WDR86: variants seen among roughly 807,000 people sequenced by gnomAD.
The protein encoded by WDR86 is WD repeat domain 86.
WDR86 carries 30 observed loss-of-function variants against 36.5 expected under a neutral mutation model. The ratio of observed to expected loss-of-function variants is 0.82; its 90% CI spans 0.61 to 1.11. WDR86 has a LOEUF of 1.11. Ranked by LOEUF, WDR86 falls within the 50% of genes most tolerant of loss-of-function variation. WDR86 has a pLI of 0.00. For missense variants in WDR86, 545 were observed against 561.2 expected (o/e 0.97, Z 0.29); for synonymous variants, 255 against 252.9 (o/e 1.01, Z -0.08).
chr7:151,377,330 T>A, downstream of WDR86: 1 of 770,898 alleles, frequency 1.3e-6, no homozygotes, highest in Non-Finnish European at 2.0e-6. Context: ...TTACAAGTCC[T>A]CTTTGGGTGT....
At chr7:151,394,911 C>T in intron 3 of WDR86, among the ~76,000 whole-genome samples, 1 of 152,260 alleles carries the variant, frequency 6.6e-6, no homozygotes, top group East Asian at 1.9e-4. Flanking sequence ...CAGACTCTGC[C>T]ACCAGGCGTT....
the WDR86 span, among the ~76,000 whole-genome samples, chr7:151,370,895 C>A: frequency 6.6e-6 from 1 of 152,146 alleles, no homozygotes; most frequent in Non-Finnish European, 1.5e-5. Flanking sequence ...GAAAACAGTT[C>A]TCATCACTGT....
intron 2 of WDR86, among the ~76,000 whole-genome samples, chr7:151,398,490 A>ATATG (rs55933216): frequency 0.69 from 103,735 of 149,874 alleles, 36,047 homozygotes; most frequent in East Asian, 0.8. Flanking sequence ...GTGTATGTGT[A>ATATG]TATGTGTGCG....
chr7:151,394,016 G>A (rs1799627963), intron 3 of WDR86, among the ~76,000 whole-genome samples: 1 of 152,202 alleles, frequency 6.6e-6, no homozygotes, highest in African/African-American at 2.4e-5. Context: ...GAAAGCAGGA[G>A]ATCAAGAAAC....
In WDR86 at chr7:151,381,399, C is replaced by G. The variant is rs1044525833; in HGVS notation, c.*183G>C. The G allele has an allele frequency of 2.1e-5, 31 of 1,476,330 alleles. No individual in the cohort carries two copies. Among genetic ancestry groups the G allele is most frequent in the Non-Finnish European group, 2.8e-5 (31 of 1,122,492 alleles). 91.5% of individuals were successfully genotyped at this position (1,476,330 alleles called of 1,614,324 possible). A position where few individuals can be genotyped will look rare whatever the true frequency, so the allele number is the denominator to read the frequency against. ...GGGCGGTCCCCAGGGCGAGCACTCCCGCTCCCAGCGCCTCCTGGCCACCAA... is the reference window on the plus strand; with the variant it reads ...GGGCGGTCCCCAGGGCGAGCACTCCGGCTCCCAGCGCCTCCTGGCCACCAA... On this transcript the variant is annotated 3_prime_UTR_variant, in exon 6 of 6. Coordinates refer to ENST00000334493, the MANE Select transcript of WDR86 (RefSeq NM_198285.3). The surrounding 1 kb of genome is among the most constrained non-coding windows in gnomAD (Gnocchi z 4.8).
chr7:151,407,398 G>A (rs1229533723), intron 1 of WDR86, among the ~76,000 whole-genome samples: 1 of 152,226 alleles, frequency 6.6e-6, no homozygotes, highest in Non-Finnish European at 1.5e-5. Context: ...GTGCCCACCA[G>A]GCTACCGGCA....
At chr7:151,393,866 C>T (rs573920677) in intron 3 of WDR86, among the ~76,000 whole-genome samples, 4 of 152,258 alleles carry the variant, frequency 2.6e-5, no homozygotes, top group Middle Eastern at 3.4e-3. Context: ...AGTAAGGACA[C>T]GGAGGGAGGG....
chr7:151,369,751 G>A, the WDR86 span, among the ~76,000 whole-genome samples: 2 of 152,132 alleles, frequency 1.3e-5, no homozygotes, highest in African/African-American at 4.8e-5. Context: ...TTATCTCACA[G>A]GTCCTTTCTA....
intron 3 of WDR86, among the ~76,000 whole-genome samples, chr7:151,389,118 C>CTTTTTTTTTTTTTTTTTTTTT (rs34882878): frequency 8.0e-6 from 1 of 125,574 alleles, no homozygotes; most frequent in Non-Finnish European, 1.7e-5. Flanking sequence ...CTTTTCTTTC[C>CTTTTTTTTTTTTTTTTTTTTT]TTTTTTTTTT....
chr7:151,377,005 A>G, downstream of WDR86: 1 of 1,485,714 alleles, frequency 6.7e-7, no homozygotes, highest in Non-Finnish European at 9.0e-7. Context: ...CCCCAGGACA[A>G]TCCTCACATA....
Position 151,409,206 on chromosome 7 carries a change from CA to C in WDR86, c.163+220del. 1 of 724,268 alleles carries C rather than the reference CA, an allele frequency of 1.4e-6. No individual in the cohort carries two copies. The highest frequency in any genetic ancestry group is 2.3e-6 in the Non-Finnish European group (1 of 428,550). 44.9% of individuals were successfully genotyped at this position (724,268 alleles called of 1,614,324 possible). A position where few individuals can be genotyped will look rare whatever the true frequency, so the allele number is the denominator to read the frequency against. On this transcript the variant is annotated intron_variant, in intron 1 of 5. Transcript: ENST00000334493. The surrounding 1 kb of genome is among the most constrained non-coding windows in gnomAD (Gnocchi z 5.2). Reference sequence around the variant, plus strand: ...CGACCCACCCACCCGATCCCGGCCGCACCCTGCTCTGCACCCGCACCCCACC... The same window carrying C: ...CGACCCACCCACCCGATCCCGGCCGCCCCTGCTCTGCACCCGCACCCCACC...
downstream of WDR86, chr7:151,376,991 G>T (rs1798323770): frequency 8.9e-6 from 13 of 1,456,844 alleles, no homozygotes; most frequent in Non-Finnish European, 1.1e-5. Context: ...TGGTCGTGCA[G>T]TGTCCCCAGG....
At chr7:151,384,468 G>A (rs750740309) in intron 4 of WDR86, among the ~76,000 whole-genome samples, 5 of 152,158 alleles carry the variant, frequency 3.3e-5, no homozygotes, top group African/African-American at 9.7e-5. Flanking sequence ...CTCTCTCTCT[G>A]CCTGCCTAAA....
At chr7:151,383,364 C>T (rs748975516) in intron 4 of WDR86, among the ~76,000 whole-genome samples, 7 of 151,540 alleles carry the variant, frequency 4.6e-5, no homozygotes, top group Non-Finnish European at 8.8e-5. Context: ...GTCCCAGTTA[C>T]TTAGGAGGCT....
chr7:151,390,802 T>A lies in WDR86; in HGVS notation c.726+4974A>T, dbSNP rs1052366396. On this transcript the variant is annotated intron_variant, in intron 3 of 5. Transcript: ENST00000334493. This position sits in a 1 kb window ranked among gnomAD's most constrained non-coding sequence, Gnocchi z 4.5. ...AATAAGCCAGACAGGAAAGGACAGA[T>A]CCTGCACGACTCCACTCATGTGAGG... Among the ~76,000 whole-genome samples, 2 of 152,184 alleles carry A rather than the reference T, an allele frequency of 1.3e-5. No homozygotes were observed. The highest frequency in any genetic ancestry group is 1.5e-5 in the Non-Finnish European group (1 of 68,040).
chr7:151,376,287 C>T (rs1486566862), downstream of WDR86: 12 of 466,808 alleles, frequency 2.6e-5, no homozygotes, highest in Middle Eastern at 1.8e-3. Flanking sequence ...TCCCAAGTGA[C>T]GGCTCTGTCC....
chr7:151,408,810 G>A lies in WDR86; in HGVS notation c.163+617C>T. On this transcript the variant is annotated intron_variant, in intron 1 of 5. Coordinates refer to ENST00000334493, the MANE Select transcript of WDR86 (RefSeq NM_198285.3). Reference sequence around the variant, plus strand: ...GGCACAAATAGAAACCAACAGGCATGCAGGCAGGGTTTACAGCAATGAGAG... The same window carrying A: ...GGCACAAATAGAAACCAACAGGCATACAGGCAGGGTTTACAGCAATGAGAG... 6.8e-6 allele frequency: 3 copies of A among 441,156 alleles called. No homozygotes were observed. The Admixed American group carries it at 7.3e-5, about 11-fold the overall frequency. 27.3% of individuals were successfully genotyped at this position (441,156 alleles called of 1,614,324 possible).
chr7:151,373,649 A>G (rs1008119051), downstream of WDR86, among the ~76,000 whole-genome samples: 1 of 152,180 alleles, frequency 6.6e-6, no homozygotes, highest in Non-Finnish European at 1.5e-5. Flanking sequence ...TCCACATCAC[A>G]TTTTAACTTG....
intron 3 of WDR86, among the ~76,000 whole-genome samples, chr7:151,392,172 G>C (rs1799484710): frequency 6.6e-6 from 1 of 152,126 alleles, no homozygotes. Context: ...CCGGACCCCA[G>C]CTCTGATCGG....
Sources: gnomAD v4.1 joint callset for allele counts (sites outside exome capture counted in the v4.1 genomes callset) on GRCh38, gnomAD v4.1.1 for gene constraint, Gnocchi (gnomAD v3.1) non-coding constraint, MANE v1.5 for transcripts, NCBI Gene and HGNC (gene_info 2026-07-23, HGNC 2026-07-21) for gene names.